Variants in IL1RAP observed in about 807,000 individuals in gnomAD.
The protein encoded by IL1RAP is interleukin-1 receptor accessory protein.
In IL1RAP, 35 loss-of-function variants were observed where a neutral mutation model predicts 60.7. That is an observed-to-expected ratio of 0.58 (90% CI 0.44 to 0.76). The LOEUF (loss-of-function observed/expected upper bound fraction) is 0.76. IL1RAP is among the 30% of genes least tolerant of loss of function. The pLI is 0.00. For missense variants in IL1RAP, 572 were observed against 693.9 expected (o/e 0.82, Z 1.97); for synonymous variants, 268 against 250.9 (o/e 1.07, Z -0.64).
intron 1 of IL1RAP, among the ~76,000 whole-genome samples, chr3:190,547,078 T>G (rs1275483921): frequency 6.6e-6 from 1 of 152,218 alleles, no homozygotes; most frequent in Non-Finnish European, 1.5e-5. Flanking sequence ...TGTTCTGTTT[T>G]TTTGTAAGTA....
At chr3:190,553,224 A>G (rs1725025638) in intron 1 of IL1RAP, among the ~76,000 whole-genome samples, 1 of 152,208 alleles carries the variant, frequency 6.6e-6, no homozygotes, top group Non-Finnish European at 1.5e-5. Context: ...GACCATACAG[A>G]AAGACTGCAA....
chr3:190,634,839 C>T (rs559399426), intron 9 of IL1RAP, among the ~76,000 whole-genome samples: 11 of 152,180 alleles, frequency 7.2e-5, no homozygotes, highest in African/African-American at 2.4e-4. Context: ...CCTCAGCCTC[C>T]CGAGTAGCTG....
chr3:190,555,443 A>C (rs1439074593), intron 1 of IL1RAP, among the ~76,000 whole-genome samples: 1 of 152,190 alleles, frequency 6.6e-6, no homozygotes, highest in Non-Finnish European at 1.5e-5. Context: ...AAAAAGTTAC[A>C]GTACAGCAGA....
Position 190,627,359 on chromosome 3 carries a change from G to T in IL1RAP, c.812G>T (p.Ser271Ile). Reference sequence around the variant, plus strand: ...CTCATTCCCTGTACGGTCTATTTTAGTTTTCTGATGGATTCTCGCAATGAG... The same window carrying T: ...CTCATTCCCTGTACGGTCTATTTTATTTTTCTGATGGATTCTCGCAATGAG... ...ELLIPCTVYF[S>I]FLMDSRNEVW... is the part of the protein sequence containing the mutation. The change falls in exon 8 of 12, where the codon AGT becomes ATT. Residue 271 changes from serine (S) to isoleucine (I), a missense_variant. Coordinates refer to ENST00000447382, the MANE Select transcript of IL1RAP (RefSeq NM_002182.4). 6.2e-7 allele frequency: 1 copy of T among 1,610,628 alleles called. No individual in the cohort carries two copies.
intron 1 of IL1RAP, among the ~76,000 whole-genome samples, chr3:190,533,709 C>G (rs1235552097): frequency 6.6e-6 from 1 of 151,994 alleles, no homozygotes; most frequent in Admixed American, 6.6e-5. Flanking sequence ...AAAAACCTCC[C>G]ACTGGCTGCC....
At chr3:190,645,613 TA>T in intron 10 of IL1RAP, 85 bp from the exon 11 acceptor site, 1 of 1,055,868 alleles carries the variant, frequency 9.5e-7, no homozygotes, top group Non-Finnish European at 1.4e-6. Flanking sequence ...TGAAAATGTC[TA>T]ATATGCAGAA....
chr3:190,607,782 A>G (rs1730468823), intron 4 of IL1RAP, among the ~76,000 whole-genome samples: 1 of 152,164 alleles, frequency 6.6e-6, no homozygotes, highest in Non-Finnish European at 1.5e-5. Flanking sequence ...AACAACTTGG[A>G]ATGATTGTAC....
At chr3:190,543,114 G>C (rs1724085048) in intron 1 of IL1RAP, among the ~76,000 whole-genome samples, 1 of 152,068 alleles carries the variant, frequency 6.6e-6, no homozygotes, top group African/African-American at 2.4e-5. Flanking sequence ...GTATTATAAA[G>C]CAGCATAACC....
intron 5 of IL1RAP, among the ~76,000 whole-genome samples, chr3:190,614,939 C>T (rs993413788): frequency 7.9e-5 from 12 of 152,018 alleles, no homozygotes; most frequent in African/African-American, 2.7e-4. Context: ...CCTGAGAAAT[C>T]GGAGGCATCT....
chr3:190,627,284 G>GTT (rs770935173), intron 7 of IL1RAP, 39 bp from the exon 8 acceptor site: 2 of 1,425,206 alleles, frequency 1.4e-6, no homozygotes, highest in African/African-American at 2.0e-5. Flanking sequence ...GTTTTGTTTT[G>GTT]TTTTTTGTTT....
At chr3:190,538,112 C>T (rs1311148080) in intron 1 of IL1RAP, among the ~76,000 whole-genome samples, 1 of 152,112 alleles carries the variant, frequency 6.6e-6, no homozygotes. Flanking sequence ...AAGATCTTCC[C>T]CATGAACCCT....
At chr3:190,656,392 T>A (rs1244125564), downstream of IL1RAP, 1 of 1,537,090 alleles carries the variant, frequency 6.5e-7, no homozygotes, top group South Asian at 1.2e-5. Context: ...TGTCACCTAC[T>A]GTGAAGGAGA....
chr3:190,631,977 A>AT (rs758566971), intron 9 of IL1RAP, among the ~76,000 whole-genome samples: 4 of 151,814 alleles, frequency 2.6e-5, no homozygotes, highest in Non-Finnish European at 4.4e-5. Flanking sequence ...TAATTTTTGT[A>AT]TTTTTGCTAG....
At chr3:190,586,308 C>T (rs1422212329) in intron 3 of IL1RAP, among the ~76,000 whole-genome samples, 7 of 152,206 alleles carry the variant, frequency 4.6e-5, no homozygotes, top group Admixed American at 2.6e-4. Context: ...CTTTATCCCT[C>T]GTTGGAGCCT....
intron 3 of IL1RAP, among the ~76,000 whole-genome samples, chr3:190,585,304 C>T (rs1728358462): frequency 6.6e-6 from 1 of 152,128 alleles, no homozygotes; most frequent in African/African-American, 2.4e-5. Context: ...GCAAAAGGAC[C>T]ACATCAGAAG....
chr3:190,520,156 A>G (rs780083264), intron 1 of IL1RAP, among the ~76,000 whole-genome samples: 3 of 152,168 alleles, frequency 2.0e-5, no homozygotes, highest in Non-Finnish European at 4.4e-5. Flanking sequence ...AGGATAGGAA[A>G]TGAATGTGAT....
intron 3 of IL1RAP, among the ~76,000 whole-genome samples, chr3:190,588,355 G>A (rs532036751): frequency 4.6e-5 from 7 of 152,282 alleles, no homozygotes; most frequent in South Asian, 4.1e-4. Flanking sequence ...CTCGTGATCC[G>A]CCCGCCTGGG....
intron 3 of IL1RAP, among the ~76,000 whole-genome samples, chr3:190,579,262 A>T (rs940361399): frequency 3.9e-5 from 6 of 152,182 alleles, no homozygotes; most frequent in African/African-American, 1.2e-4. Flanking sequence ...CAATAAACAT[A>T]TGTTGTATTG....
chr3:190,587,973 A>G (rs923157396), intron 3 of IL1RAP, among the ~76,000 whole-genome samples: 2 of 152,202 alleles, frequency 1.3e-5, no homozygotes, highest in Non-Finnish European at 2.9e-5. Flanking sequence ...ATACATTACT[A>G]TGGATTATGT....
Sources: gnomAD v4.1 joint callset for allele counts (sites outside exome capture counted in the v4.1 genomes callset) on GRCh38, gnomAD v4.1.1 for gene constraint, MANE v1.5 for transcripts, NCBI Gene and HGNC (gene_info 2026-07-23, HGNC 2026-07-21) for gene names.